CFAP20DC: variants seen among roughly 807,000 people sequenced by gnomAD.
The protein encoded by CFAP20DC is protein CFAP20DC.
A neutral mutation model predicts 101.7 loss-of-function variants in CFAP20DC; 84 were observed. That is an observed-to-expected ratio of 0.83 (90% CI 0.69 to 0.99). CFAP20DC has a LOEUF of 0.99. Among genes scored for constraint, CFAP20DC ranks in the 50% least tolerant of loss-of-function variants. CFAP20DC has a pLI of 0.00. For synonymous variants in CFAP20DC, 359 were observed against 351.2 expected (o/e 1.02, Z -0.25); for missense variants, 1,007 against 970.3 (o/e 1.04, Z -0.50).
intron 15 of CFAP20DC, among the ~76,000 whole-genome samples, chr3:58,764,175 G>A (rs1285610773): frequency 6.6e-6 from 1 of 152,160 alleles, no homozygotes; most frequent in Non-Finnish European, 1.5e-5. Flanking sequence ...GAGCTGCAGT[G>A]GGCTCCACCC....
At chr3:58,848,973 A>C in intron 13 of CFAP20DC, 59 bp downstream of exon 13, 2 of 1,483,232 alleles carry the variant, frequency 1.3e-6, no homozygotes, top group Non-Finnish European at 1.8e-6. Flanking sequence ...TGGGTGGAAC[A>C]GAACGGAACA....
At chr3:58,856,466 T>C (rs2078835700) in intron 12 of CFAP20DC, among the ~76,000 whole-genome samples, 1 of 152,202 alleles carries the variant, frequency 6.6e-6, no homozygotes, top group African/African-American at 2.4e-5. Flanking sequence ...TAACAATCCC[T>C]GCATGACCTC....
downstream of CFAP20DC, among the ~76,000 whole-genome samples, chr3:58,717,147 G>A: frequency 6.6e-6 from 1 of 152,082 alleles, no homozygotes; most frequent in East Asian, 1.9e-4. This position sits in a 1 kb window ranked among gnomAD's most constrained non-coding sequence, Gnocchi z 4.1. Context: ...ATGTAATGAA[G>A]CAGTGTGACA....
chr3:58,753,695 C>CA (rs1406933184), intron 16 of CFAP20DC, 74 bp downstream of exon 16: 1 of 1,021,856 alleles, frequency 9.8e-7, no homozygotes, highest in Non-Finnish European at 1.5e-6. Flanking sequence ...AGTGGCATCT[C>CA]AAAGTGATGG....
At chr3:58,879,313 AATT>A (rs1259427860) in intron 7 of CFAP20DC, among the ~76,000 whole-genome samples, 1 of 152,210 alleles carries the variant, frequency 6.6e-6, no homozygotes, top group African/African-American at 2.4e-5. Context: ...AAATTTGTAC[AATT>A]ATTATGTGTC....
chr3:58,793,263 C>T (rs961328958), intron 15 of CFAP20DC, among the ~76,000 whole-genome samples: 2 of 152,092 alleles, frequency 1.3e-5, no homozygotes, highest in African/African-American at 4.8e-5. Flanking sequence ...CCTCACAATC[C>T]GTCAAAGTGA....
rs551929635 is a variant in CFAP20DC, at chr3:59,034,648, C to T, written c.278+4909G>A. Among the ~76,000 whole-genome samples, 4 of 152,152 alleles carry T rather than the reference C, an allele frequency of 2.6e-5. No individual in the cohort carries two copies. The South Asian group carries it at 8.3e-4, about 32-fold the overall frequency. The stretch of plus-strand genomic sequence containing the variant: ...TAAACGCAACAAGAAGAGCTAACTA[C>T]CCCAAATATATATACACCCAATACA... On this transcript the variant is annotated intron_variant, in intron 4 of 16. Transcript: ENST00000482387.
Position 58,894,491 on chromosome 3 carries a change from T to A in CFAP20DC, c.551-9782A>T, listed in dbSNP as rs2082508549. 6.6e-6 allele frequency among the ~76,000 whole-genome samples: 1 copy of A among 152,230 alleles called. No individual in the cohort carries two copies. Among genetic ancestry groups the A allele is most frequent in the Admixed American group, 6.5e-5 (1 of 15,290 alleles). On this transcript the variant is annotated intron_variant, in intron 6 of 16. Coordinates refer to ENST00000482387, the MANE Select transcript of CFAP20DC (RefSeq NM_001394063.1). This position sits in a 1 kb window ranked among gnomAD's most constrained non-coding sequence, Gnocchi z 4.1. ...CAAAATGATCTCCTTTGACTCCATG[T>A]CTCACATTCAGGACACGCTGATGCA... is the stretch of plus-strand genomic sequence containing the variant.
chr3:58,809,621 C>A (rs576967206), intron 14 of CFAP20DC, among the ~76,000 whole-genome samples: 8 of 151,870 alleles, frequency 5.3e-5, no homozygotes, highest in Admixed American at 5.3e-4. Context: ...AAATTGACAC[C>A]CTAACATCAC....
chr3:58,758,740 G>A (rs538083734), intron 15 of CFAP20DC, among the ~76,000 whole-genome samples: 3 of 151,884 alleles, frequency 2.0e-5, no homozygotes, highest in East Asian at 1.9e-4. Flanking sequence ...TCCTGTGTCC[G>A]TGTGTTCTCA....
intron 4 of CFAP20DC, among the ~76,000 whole-genome samples, chr3:59,000,507 A>C (rs1452486147): frequency 6.6e-6 from 1 of 152,220 alleles, no homozygotes; most frequent in African/African-American, 2.4e-5. Context: ...TGGAAATAAA[A>C]TCTTTACCAA....
At chr3:59,037,604 T>C (rs905367366) in intron 4 of CFAP20DC, among the ~76,000 whole-genome samples, 1 of 152,150 alleles carries the variant, frequency 6.6e-6, no homozygotes, top group Non-Finnish European at 1.5e-5. Context: ...CCAGTTAGAA[T>C]GGCGATCATT....
At chr3:59,037,391 G>A (rs972112307) in intron 4 of CFAP20DC, among the ~76,000 whole-genome samples, 9 of 151,476 alleles carry the variant, frequency 5.9e-5, no homozygotes, top group African/African-American at 2.2e-4. Context: ...ATCTGACAAA[G>A]GGCTAATATC....
chr3:58,969,382 G>A (rs1455683904), intron 4 of CFAP20DC, among the ~76,000 whole-genome samples: 1 of 152,150 alleles, frequency 6.6e-6, no homozygotes, highest in African/African-American at 2.4e-5. Context: ...CCTCATCATT[G>A]CTGATGGGAA....
At chr3:58,926,997 T>C (rs2086059700) in intron 5 of CFAP20DC, among the ~76,000 whole-genome samples, 4 of 152,320 alleles carry the variant, frequency 2.6e-5, no homozygotes, top group South Asian at 4.1e-4. Context: ...ATCAACTAAT[T>C]GAAATTACAT....
intron 15 of CFAP20DC, among the ~76,000 whole-genome samples, chr3:58,803,779 G>A (rs2073870012): frequency 6.6e-6 from 1 of 152,130 alleles, no homozygotes; most frequent in Admixed American, 6.5e-5. Context: ...GGGGTTGGTG[G>A]TATTTAATTT....
At chr3:58,997,804 GA>G (rs1174898257) in intron 4 of CFAP20DC, among the ~76,000 whole-genome samples, 5 of 152,184 alleles carry the variant, frequency 3.3e-5, no homozygotes, top group African/African-American at 1.2e-4. Context: ...ACACTAATGA[GA>G]TACAGGAAGA....
chr3:58,760,541 G>C (rs543228630), intron 15 of CFAP20DC, among the ~76,000 whole-genome samples: 105 of 152,142 alleles, frequency 6.9e-4, no homozygotes, highest in South Asian at 3.1e-3. Context: ...TCTCCTGCCT[G>C]ATTGCCCTGG....
chr3:58,926,227 G>A lies in CFAP20DC; in HGVS notation c.393+11421C>T, dbSNP rs1331348388. ...CTAAAAATACAAAAACTAGCCAGGT[G>A]TGATGGCAGCCGCCTATAGTCCCAG... On this transcript the variant is annotated intron_variant, in intron 5 of 16. Transcript: ENST00000482387. 2.0e-5 allele frequency among the ~76,000 whole-genome samples: 3 copies of A among 151,804 alleles called. No individual in the cohort carries two copies. The East Asian group carries it at 5.8e-4, about 29-fold the overall frequency.
Sources: gnomAD v4.1 joint callset for allele counts (sites outside exome capture counted in the v4.1 genomes callset) on GRCh38, gnomAD v4.1.1 for gene constraint, Gnocchi (gnomAD v3.1) non-coding constraint, MANE v1.5 for transcripts, NCBI Gene and HGNC (gene_info 2026-07-23, HGNC 2026-07-21) for gene names.